Variants in SAMMSON observed in about 807,000 individuals in gnomAD.
SAMMSON encodes the protein long intergenic non-protein coding RNA 1212.
At chr3:70,000,408 CTATAA>C (rs1463674934) in intron 1 of SAMMSON, among the ~76,000 whole-genome samples, 1 of 152,166 alleles carries the variant, frequency 6.6e-6, no homozygotes, top group African/African-American at 2.4e-5. Flanking sequence ...ACTTATAGAA[CTATAA>C]TATAATGGTA....
intron 3 of SAMMSON, among the ~76,000 whole-genome samples, chr3:70,016,729 G>T (rs897397227): frequency 7.9e-5 from 12 of 152,058 alleles, no homozygotes; most frequent in Admixed American, 5.2e-4. Context: ...GGTCTAACAT[G>T]TAAGTCTTTA....
At chr3:70,355,357 A>G (rs900337314) in intron 8 of SAMMSON, among the ~76,000 whole-genome samples, 1 of 152,188 alleles carries the variant, frequency 6.6e-6, no homozygotes, top group Non-Finnish European at 1.5e-5. Context: ...ACATGCAAAG[A>G]GCCAACTGAA....
chr3:70,007,832 A>G (rs2066934830), intron 1 of SAMMSON, among the ~76,000 whole-genome samples: 1 of 152,128 alleles, frequency 6.6e-6, no homozygotes. Context: ...TATAAGGTGT[A>G]AGGAAGAGAT....
chr3:70,010,972 C>T (rs967441801), intron 1 of SAMMSON, among the ~76,000 whole-genome samples: 14 of 152,014 alleles, frequency 9.2e-5, no homozygotes, highest in African/African-American at 2.4e-4. Context: ...CAGCAGGATT[C>T]AGTTACCTTC....
At chr3:70,098,031 C>T (rs936589578) in intron 4 of SAMMSON, among the ~76,000 whole-genome samples, 3 of 152,176 alleles carry the variant, frequency 2.0e-5, no homozygotes, top group African/African-American at 7.2e-5. Context: ...CCTTGGGGAA[C>T]TTGATATTAC....
intron 9 of SAMMSON, among the ~76,000 whole-genome samples, chr3:70,359,864 C>T (rs2106739319): frequency 6.6e-6 from 1 of 152,178 alleles, no homozygotes; most frequent in Middle Eastern, 3.4e-3. Flanking sequence ...TTTCTCCATA[C>T]TTGTAAGGCT....
At chr3:70,019,492 G>T (rs182387004) in intron 3 of SAMMSON, among the ~76,000 whole-genome samples, 147 of 152,174 alleles carry the variant, frequency 9.7e-4, no homozygotes, top group Non-Finnish European at 1.7e-3. Flanking sequence ...ACTTGAGATG[G>T]GTCTCCTGAA....
intron 7 of SAMMSON, among the ~76,000 whole-genome samples, chr3:70,319,160 C>G (rs1361195974): frequency 6.6e-6 from 1 of 152,050 alleles, no homozygotes; most frequent in Non-Finnish European, 1.5e-5. Context: ...GTCCCCTCTT[C>G]TCCATAACCC....
At chr3:70,279,242 T>C (rs947475682) in intron 6 of SAMMSON, among the ~76,000 whole-genome samples, 1 of 151,876 alleles carries the variant, frequency 6.6e-6, no homozygotes, top group Non-Finnish European at 1.5e-5. Context: ...GCAAAGTACA[T>C]ATTATTATTT....
intron 6 of SAMMSON, among the ~76,000 whole-genome samples, chr3:70,261,019 A>C (rs74741470): frequency 0.043 from 6,553 of 152,214 alleles, 258 homozygotes; most frequent in East Asian, 0.15. Context: ...TCCGCTTGAC[A>C]TGAAACAGAC....
chr3:70,114,481 C>T (rs563968173), intron 4 of SAMMSON, among the ~76,000 whole-genome samples: 4 of 152,266 alleles, frequency 2.6e-5, no homozygotes, highest in African/African-American at 9.6e-5. Context: ...TAAAACACAC[C>T]ACTCAAAGGC....
chr3:70,035,942 A>G (rs1369766662), intron 3 of SAMMSON, among the ~76,000 whole-genome samples: 1 of 152,212 alleles, frequency 6.6e-6, no homozygotes, highest in Non-Finnish European at 1.5e-5. Context: ...ATAGTTAGAA[A>G]GTGGGAGGAT....
chr3:70,258,116 A>T (rs768860323), intron 6 of SAMMSON, among the ~76,000 whole-genome samples: 4 of 152,212 alleles, frequency 2.6e-5, no homozygotes, highest in Non-Finnish European at 5.9e-5. Context: ...TTCATTTCAC[A>T]TCATAGACAA....
intron 9 of SAMMSON, among the ~76,000 whole-genome samples, chr3:70,368,317 A>G (rs761571539): frequency 7.3e-5 from 11 of 151,538 alleles, no homozygotes; most frequent in Non-Finnish European, 3.0e-5. Context: ...TTAATGTTAA[A>G]CCAAATAATA....
chr3:70,278,552 G>A (rs1702050318), intron 6 of SAMMSON, among the ~76,000 whole-genome samples: 1 of 152,178 alleles, frequency 6.6e-6, no homozygotes, highest in South Asian at 2.1e-4. Flanking sequence ...CTGTGCTGTT[G>A]TCAGCATTTA....
intron 1 of SAMMSON, among the ~76,000 whole-genome samples, chr3:70,011,514 A>T (rs774222218): frequency 6.6e-6 from 1 of 152,064 alleles, no homozygotes; most frequent in Non-Finnish European, 1.5e-5. Flanking sequence ...AACAAAGCCA[A>T]CTTTGACCCC....
At chr3:70,070,298 C>T (rs2067225106) in intron 3 of SAMMSON, 1 of 151,626 alleles carries the variant, frequency 6.6e-6, no homozygotes, top group African/African-American at 2.4e-5. Context: ...TTCATTAGAC[C>T]ACAGATCATA....
At chr3:70,284,810 C>A (rs1473837254) in intron 6 of SAMMSON, among the ~76,000 whole-genome samples, 1 of 152,000 alleles carries the variant, frequency 6.6e-6, no homozygotes, top group South Asian at 2.1e-4. Context: ...GTCTTAAAAC[C>A]TGGGTCATGA....
At chr3:70,389,397 T>C (rs1192595363) in intron 9 of SAMMSON, among the ~76,000 whole-genome samples, 1 of 152,158 alleles carries the variant, frequency 6.6e-6, no homozygotes, top group Non-Finnish European at 1.5e-5. Context: ...GAATATTCTA[T>C]ATAAACATGT....
Sources: allele counts gnomAD v4.1 joint callset (sites outside exome capture counted in the v4.1 genomes callset), GRCh38; gene constraint gnomAD v4.1.1; transcripts MANE v1.5; gene names NCBI Gene and HGNC (gene_info 2026-07-23, HGNC 2026-07-21).